The following TENM3 variants were observed in gnomAD, a reference collection of about 807,000 sequenced individuals.
The protein encoded by TENM3 is teneurin transmembrane protein 3, also known as teneurin-3.
Under a neutral mutation model 255.1 loss-of-function variants are expected in TENM3, and 63 were observed. That is an observed-to-expected ratio of 0.25 (90% CI 0.20 to 0.30). The LOEUF (loss-of-function observed/expected upper bound fraction) is 0.30, where lower values mean the gene tolerates loss of function less well. Among genes scored for constraint, TENM3 ranks in the 10% least tolerant of loss-of-function variants. The pLI, the probability that TENM3 is intolerant of heterozygous loss-of-function variation, is 1.00. For missense variants in TENM3, 2,929 were observed against 3,461.1 expected (o/e 0.85, Z 3.86); for synonymous variants, 1,306 against 1,322.3 (o/e 0.99, Z 0.27).
chr4:182,587,449 T>C (rs1746141360), intron 3 of TENM3, among the ~76,000 whole-genome samples: 1 of 151,952 alleles, frequency 6.6e-6, no homozygotes, highest in Non-Finnish European at 1.5e-5. Flanking sequence ...GTACTAAAAA[T>C]ACAAAAATAG....
intron 5 of TENM3, among the ~76,000 whole-genome samples, chr4:182,648,105 G>GC (rs1357766418): frequency 6.6e-6 from 1 of 152,054 alleles, no homozygotes; most frequent in African/African-American, 2.4e-5. Context: ...CTCTGCATCT[G>GC]CATTTATTTG....
the TENM3 span, among the ~76,000 whole-genome samples, chr4:181,967,151 C>T: frequency 6.6e-6 from 1 of 152,162 alleles, no homozygotes; most frequent in Non-Finnish European, 1.5e-5. Context: ...AAATTACAGA[C>T]ATGATTTGGA....
chr4:181,553,781 G>A, the TENM3 span, among the ~76,000 whole-genome samples: 3 of 152,044 alleles, frequency 2.0e-5, no homozygotes. Flanking sequence ...GTAGTTTAGT[G>A]GGTCATGCTG....
At chr4:181,907,528 G>A in the TENM3 span, among the ~76,000 whole-genome samples, 2 of 152,216 alleles carry the variant, frequency 1.3e-5, no homozygotes, top group Non-Finnish European at 2.9e-5. Flanking sequence ...AGACACCGTG[G>A]TTGTAAATCC....
At chr4:181,863,474 ATG>A in the TENM3 span, among the ~76,000 whole-genome samples, 1 of 152,184 alleles carries the variant, frequency 6.6e-6, no homozygotes, top group Admixed American at 6.5e-5. Context: ...ATTTCTAGTA[ATG>A]TTAGGTAAAA....
At chr4:182,608,086 G>T (rs748071005) in intron 4 of TENM3, among the ~76,000 whole-genome samples, 17 of 152,230 alleles carry the variant, frequency 1.1e-4, no homozygotes, top group Middle Eastern at 3.4e-3. Context: ...CCATTCACTA[G>T]TATTGTCTGT....
At chr4:182,578,460 G>A (rs1362903652) in intron 3 of TENM3, among the ~76,000 whole-genome samples, 1 of 95,620 alleles carries the variant, frequency 1.0e-5, no homozygotes, top group Non-Finnish European at 2.5e-5. Flanking sequence ...TTTGTTTTTA[G>A]CTGTGATAGG....
At chr4:182,325,121 G>C (rs1186856476) in intron 2 of TENM3, among the ~76,000 whole-genome samples, 2 of 152,066 alleles carry the variant, frequency 1.3e-5, no homozygotes, top group East Asian at 3.9e-4. Context: ...ATATAACTTA[G>C]CATTCTTTAG....
intron 2 of TENM3, among the ~76,000 whole-genome samples, chr4:182,331,375 G>T (rs1223431660): frequency 6.6e-6 from 1 of 151,988 alleles, no homozygotes; most frequent in Non-Finnish European, 1.5e-5. Flanking sequence ...CAGAAACCCG[G>T]TCTCTACTAA....
the TENM3 span, among the ~76,000 whole-genome samples, chr4:181,771,390 T>C: frequency 1.3e-5 from 2 of 152,218 alleles, no homozygotes; most frequent in African/African-American, 4.8e-5. Context: ...ACATGTACTT[T>C]GGACTGTATC....
chr4:182,564,058 C>T (rs942689806), intron 3 of TENM3, among the ~76,000 whole-genome samples: 2 of 152,106 alleles, frequency 1.3e-5, no homozygotes, highest in Admixed American at 1.3e-4. Flanking sequence ...ATCATAAAGA[C>T]CTTAGGTTGG....
At chr4:181,643,042 A>T in the TENM3 span, among the ~76,000 whole-genome samples, 2 of 152,190 alleles carry the variant, frequency 1.3e-5, no homozygotes, top group Non-Finnish European at 2.9e-5. Context: ...TTCTGTAAAG[A>T]AAGTTAATGG....
chr4:181,664,629 C>A, the TENM3 span, among the ~76,000 whole-genome samples: 1 of 152,190 alleles, frequency 6.6e-6, no homozygotes, highest in Non-Finnish European at 1.5e-5. Context: ...TCCAAGCTCA[C>A]TGCTCAACTT....
chr4:182,443,263 C>G (rs1476828608), intron 3 of TENM3, among the ~76,000 whole-genome samples: 1 of 152,128 alleles, frequency 6.6e-6, no homozygotes, highest in Non-Finnish European at 1.5e-5. Flanking sequence ...TAGACACATA[C>G]TGCCATCCCT....
At chr4:182,331,750 T>G in intron 2 of TENM3, among the ~76,000 whole-genome samples, 1 of 152,150 alleles carries the variant, frequency 6.6e-6, no homozygotes, top group East Asian at 1.9e-4. Flanking sequence ...TGAAAAACTC[T>G]CAGTAGGATA....
the TENM3 span, among the ~76,000 whole-genome samples, chr4:182,014,712 G>A: frequency 6.4e-4 from 97 of 152,196 alleles, no homozygotes; most frequent in African/African-American, 2.0e-3. Flanking sequence ...ATGGGGCACT[G>A]GGGAAGCGTT....
intron 3 of TENM3, among the ~76,000 whole-genome samples, chr4:182,359,273 C>T (rs559993497): frequency 7.2e-5 from 11 of 152,190 alleles, no homozygotes; most frequent in African/African-American, 1.9e-4. Flanking sequence ...TCTATTGATT[C>T]GAATAGTTTC....
chr4:182,139,281 G>A (rs147615413), upstream of TENM3, among the ~76,000 whole-genome samples: 193 of 152,272 alleles, frequency 1.3e-3, no homozygotes, highest in African/African-American at 4.2e-3. Flanking sequence ...CAGGGGCCCC[G>A]GATGCAGAGC....
chr4:181,551,292 A>G, the TENM3 span, among the ~76,000 whole-genome samples: 1 of 149,328 alleles, frequency 6.7e-6, no homozygotes, highest in Middle Eastern at 3.3e-3. Context: ...CATCCTGAGA[A>G]TGAGGATTTC....
Sources: allele counts gnomAD v4.1 joint callset (sites outside exome capture counted in the v4.1 genomes callset), GRCh38; gene constraint gnomAD v4.1.1; transcripts MANE v1.5; gene names NCBI Gene and HGNC (gene_info 2026-07-23, HGNC 2026-07-21).